BAZ1B: variants seen among roughly 807,000 people sequenced by gnomAD.
BAZ1B encodes tyrosine-protein kinase BAZ1B.
A neutral mutation model predicts 153.8 loss-of-function variants in BAZ1B; 22 were observed. The observed-to-expected ratio is 0.14, with a 90% confidence interval of 0.10 to 0.20. The LOEUF (loss-of-function observed/expected upper bound fraction) is 0.20. Ranked by LOEUF, BAZ1B falls within the 10% of genes least tolerant of loss-of-function variation. BAZ1B has a pLI of 1.00. For missense variants in BAZ1B, 1,325 were observed against 1,799.3 expected, an observed-to-expected ratio of 0.74 and a Z score of 4.77; for synonymous variants, 676 against 633.4, an observed-to-expected ratio of 1.07 and a Z score of -1.01.
intron 5 of BAZ1B, among the ~76,000 whole-genome samples, chr7:73,491,415 C>T (rs1031889166): frequency 6.6e-6 from 1 of 152,040 alleles, no homozygotes; most frequent in Non-Finnish European, 1.5e-5. Flanking sequence ...GCCTGACCAA[C>T]GTGGTGAAAC....
intron 4 of BAZ1B, among the ~76,000 whole-genome samples, chr7:73,495,380 C>T (rs543294697): frequency 6.6e-6 from 1 of 152,316 alleles, no homozygotes; most frequent in East Asian, 1.9e-4. Flanking sequence ...AATCACCAGG[C>T]TACAAACAGT....
At chr7:73,488,302 C>A (rs1789495344) in intron 6 of BAZ1B, among the ~76,000 whole-genome samples, 1 of 152,184 alleles carries the variant, frequency 6.6e-6, no homozygotes, top group African/African-American at 2.4e-5. Flanking sequence ...AGGCCAGTGT[C>A]TTAAGTCTTG....
chr7:73,475,478 A>G (rs782672073), intron 7 of BAZ1B, among the ~76,000 whole-genome samples: 13 of 152,264 alleles, frequency 8.5e-5, no homozygotes, highest in Non-Finnish European at 1.6e-4. Flanking sequence ...TAAAAAGGCT[A>G]CATATTATAT....
chr7:73,506,006 G>T (rs904130810), intron 3 of BAZ1B, among the ~76,000 whole-genome samples: 1 of 152,172 alleles, frequency 6.6e-6, no homozygotes, highest in Non-Finnish European at 1.5e-5. Context: ...ACCACTTCAA[G>T]ATTTCCGTGC....
At chr7:73,442,143 C>T (rs1787644561) in intron 19 of BAZ1B, 38 bp downstream of exon 19, 2 of 632,040 alleles carry the variant, frequency 3.2e-6, no homozygotes, top group African/African-American at 3.6e-5. Context: ...GCCTCCCTCC[C>T]ACCCTCCCTA....
Position 73,442,225 on chromosome 7 carries a change from G to A in BAZ1B, c.4423C>T (p.Gln1475Ter). Residue 1475 changes from glutamine to a stop codon, truncating the protein, a stop_gained, in exon 19 of 20, where the codon CAG (glutamine) becomes TAG (stop). Transcript: ENST00000339594. LOFTEE classifies it high-confidence loss of function. ...TTCTTCTGTCTTCGTCCCCTGGACTGTCCAACGGCCTCTGGCTCACTGTCC... is the reference window on the plus strand; with the variant it reads ...TTCTTCTGTCTTCGTCCCCTGGACTATCCAACGGCCTCTGGCTCACTGTCC... ...EGDSEPEAVG[Q>*]SRGRRQKK 6.3e-7 allele frequency: 1 copy of A among 1,596,338 alleles called. No individual in the cohort carries two copies. The highest frequency in any genetic ancestry group is 8.5e-7 in the Non-Finnish European group (1 of 1,172,530).
intron 4 of BAZ1B, among the ~76,000 whole-genome samples, chr7:73,495,993 T>A (rs929450600): frequency 3.3e-5 from 5 of 152,144 alleles, no homozygotes; most frequent in Non-Finnish European, 7.3e-5. Flanking sequence ...ACTTCTACCC[T>A]TGAACTTAAA....
Position 73,478,662 on chromosome 7 carries a change from T to C in BAZ1B, c.892-93A>G, listed in dbSNP as rs535383532. 3.6e-6 allele frequency: 4 copies of C among 1,100,480 alleles called. No individual in the cohort carries two copies. The African/African-American group carries it at 4.8e-5, about 13-fold the overall frequency. 68.2% of individuals were successfully genotyped at this position (1,100,480 alleles called of 1,614,324 possible). A position where few individuals can be genotyped will look rare whatever the true frequency, so the allele number is the denominator to read the frequency against. On this transcript the variant is annotated intron_variant, in intron 6 of 19. Coordinates refer to ENST00000339594, the MANE Select transcript of BAZ1B (RefSeq NM_032408.4). ...TCTTAAAGGCCCTCTTCCCCAGCTA[T>C]TCAGGTAAAGCTACATATTCATATC...
chr7:73,475,790 G>A (rs1243539094), intron 7 of BAZ1B, among the ~76,000 whole-genome samples: 1 of 152,122 alleles, frequency 6.6e-6, no homozygotes, highest in Non-Finnish European at 1.5e-5. Context: ...CAGGCATGAT[G>A]GCGCATGCCT....
At chr7:73,510,037 G>A (rs908650535) in intron 2 of BAZ1B, among the ~76,000 whole-genome samples, 35 of 151,814 alleles carry the variant, frequency 2.3e-4, no homozygotes, top group African/African-American at 7.2e-4. Flanking sequence ...TGAGGCACGA[G>A]AATCACTTGA....
intron 2 of BAZ1B, among the ~76,000 whole-genome samples, chr7:73,509,708 A>C (rs1790498057): frequency 6.6e-6 from 1 of 152,114 alleles, no homozygotes; most frequent in African/African-American, 2.4e-5. Flanking sequence ...TGCCTCTTAA[A>C]AAAAAGGAAA....
intron 3 of BAZ1B, among the ~76,000 whole-genome samples, chr7:73,499,731 A>G (rs1790051369): frequency 6.6e-6 from 1 of 152,204 alleles, no homozygotes; most frequent in Non-Finnish European, 1.5e-5. Context: ...AACCACTGCT[A>G]TGTCCTCTTG....
At chr7:73,443,748 G>A (rs1787718118) in intron 17 of BAZ1B, among the ~76,000 whole-genome samples, 1 of 152,108 alleles carries the variant, frequency 6.6e-6, no homozygotes, top group Non-Finnish European at 1.5e-5. Context: ...GTTGCAGGCT[G>A]CCCGCTAACT....
intron 13 of BAZ1B, among the ~76,000 whole-genome samples, chr7:73,455,853 G>A (rs1788178852): frequency 1.3e-5 from 2 of 152,136 alleles, no homozygotes; most frequent in African/African-American, 2.4e-5. Context: ...GGACGGAGGG[G>A]ACAGATGTTT....
At chr7:73,464,169 CAT>C in intron 11 of BAZ1B, 2 of 984,904 alleles carry the variant, frequency 2.0e-6, no homozygotes, top group Non-Finnish European at 2.4e-6. Context: ...TGTACTGAAT[CAT>C]ATTTTCCTTC....
chr7:73,520,721 C>T lies in BAZ1B; in HGVS notation c.107+1106G>A, dbSNP rs375302688. Among the ~76,000 whole-genome samples the T allele has an allele frequency of 6.6e-5, 10 of 152,264 alleles. No individual in the cohort carries two copies. In the East Asian group the frequency reaches 1.9e-3, roughly 29 times the overall value. ...AATGAGATTATCCTCTAAAGTACTG[C>T]GTTAAAGTGAGGATCAGGGAGAAAT... On this transcript the variant is annotated intron_variant, in intron 1 of 19. Coordinates refer to ENST00000339594, the MANE Select transcript of BAZ1B (RefSeq NM_032408.4).
intron 6 of BAZ1B, 118 bp downstream of exon 6, chr7:73,489,076 T>G: frequency 1.8e-6 from 2 of 1,096,162 alleles, no homozygotes; most frequent in Middle Eastern, 3.0e-4. Context: ...ACCTGAAAAA[T>G]TTTTAATTCA....
intron 13 of BAZ1B, among the ~76,000 whole-genome samples, chr7:73,453,542 TGTA>T (rs1788089045): frequency 1.3e-5 from 2 of 152,268 alleles, no homozygotes; most frequent in African/African-American, 2.4e-5. Flanking sequence ...GAGACTCTTC[TGTA>T]TTGAACTTGA....
In BAZ1B at chr7:73,451,604, TTG is replaced by T. The variant is rs371002605; in HGVS notation, c.3433-612_3433-611del. Among the ~76,000 whole-genome samples the T allele has an allele frequency of 9.8e-4, 149 of 152,364 alleles. 2 individuals are homozygous for T. The highest frequency in any genetic ancestry group is 1.9e-3 in the Non-Finnish European group (127 of 68,034). ...TAGAAACAGAGAATCACAGGGAGCCTTGTGTGTATAAATTTATGAATAACAAG... is the reference window on the plus strand; with the variant it reads ...TAGAAACAGAGAATCACAGGGAGCCTTGTGTATAAATTTATGAATAACAAG... On this transcript the variant is annotated intron_variant, in intron 13 of 19. Transcript: ENST00000339594.
Sources: allele counts gnomAD v4.1 joint callset (sites outside exome capture counted in the v4.1 genomes callset), GRCh38; gene constraint gnomAD v4.1.1; transcripts MANE v1.5; gene names NCBI Gene and HGNC (gene_info 2026-07-23, HGNC 2026-07-21).